NDUFS4: variants seen among roughly 807,000 people sequenced by gnomAD.
The protein encoded by NDUFS4 is NADH:ubiquinone oxidoreductase subunit S4, also known as NADH dehydrogenase [ubiquinone] iron-sulfur protein 4, mitochondrial.
A neutral mutation model predicts 24.3 loss-of-function variants in NDUFS4; 28 were observed. The ratio of observed to expected loss-of-function variants is 1.15; its 90% CI spans 0.85 to 1.58. The LOEUF (loss-of-function observed/expected upper bound fraction) is 1.58. Among genes scored for constraint, NDUFS4 ranks in the 40% most tolerant of loss-of-function variants. The pLI, the probability that NDUFS4 is intolerant of heterozygous loss-of-function variation, is 0.00. For synonymous variants in NDUFS4, 93 were observed against 69.7 expected, an observed-to-expected ratio of 1.34 and a Z score of -1.67; for missense variants, 223 against 207.9, an observed-to-expected ratio of 1.07 and a Z score of -0.45.
intron 2 of NDUFS4, among the ~76,000 whole-genome samples, chr5:53,627,993 A>G (rs912199000): frequency 6.6e-6 from 1 of 152,208 alleles, no homozygotes; most frequent in African/African-American, 2.4e-5. Context: ...GTTTTTGCCC[A>G]TTCAGTATGA....
chr5:53,585,603 G>A lies in NDUFS4; in HGVS notation c.99-17849G>A, dbSNP rs1366745881. Among the ~76,000 whole-genome samples, 7 of 152,070 alleles carry A rather than the reference G, an allele frequency of 4.6e-5. No individual in the cohort carries two copies. The East Asian group carries it at 7.7e-4, about 17-fold the overall frequency. On this transcript the variant is annotated intron_variant, in intron 1 of 4. Transcript: ENST00000296684. ...ACTAAAAATACGAAATTAGCCGGGC[G>A]TGGTGGTACTTGCCTGTAATCCCAG...
chr5:53,644,291 A>T (rs990153086), intron 2 of NDUFS4, among the ~76,000 whole-genome samples: 1 of 152,158 alleles, frequency 6.6e-6, no homozygotes, highest in African/African-American at 2.4e-5. Context: ...TCCAGCTTTT[A>T]TGAGCTCAGC....
chr5:53,583,631 C>G (rs182558285), intron 1 of NDUFS4, among the ~76,000 whole-genome samples: 1 of 152,208 alleles, frequency 6.6e-6, no homozygotes, highest in African/African-American at 2.4e-5. Flanking sequence ...TTGTTCAATT[C>G]TATGTATTTT....
At chr5:53,637,240 A>G (rs976723879) in intron 2 of NDUFS4, among the ~76,000 whole-genome samples, 1 of 152,188 alleles carries the variant, frequency 6.6e-6, no homozygotes, top group African/African-American at 2.4e-5. Context: ...AGGCCTTCCA[A>G]GAAGTAGCAT....
intron 2 of NDUFS4, among the ~76,000 whole-genome samples, chr5:53,606,582 C>T (rs1294402540): frequency 6.6e-6 from 1 of 152,170 alleles, no homozygotes; most frequent in Non-Finnish European, 1.5e-5. Flanking sequence ...CCAGGCTGGC[C>T]TCAAACTCCT....
At chr5:53,659,951 C>G (rs1449859592) in intron 4 of NDUFS4, among the ~76,000 whole-genome samples, 1 of 151,982 alleles carries the variant, frequency 6.6e-6, no homozygotes, top group East Asian at 1.9e-4. Context: ...AGACTAGGGT[C>G]TGACAAATAC....
chr5:53,674,494 A>G (rs550185371), intron 4 of NDUFS4, among the ~76,000 whole-genome samples: 10 of 152,290 alleles, frequency 6.6e-5, no homozygotes, highest in Admixed American at 5.2e-4. Context: ...ATCATTATCA[A>G]TGGATTAGTA....
In NDUFS4 at chr5:53,667,778, A is replaced by G. The variant is rs572052114; in HGVS notation, c.424+9154A>G. ...TAAGACTCTCATTCCACAGTGGTCT[A>G]CATCACAGGAGAACTTGAACAAGTC... On this transcript the variant is annotated intron_variant, in intron 4 of 4. Coordinates refer to ENST00000296684, the MANE Select transcript of NDUFS4 (RefSeq NM_002495.4). Among the ~76,000 whole-genome samples the G allele has an allele frequency of 1.4e-4, 22 of 152,354 alleles. No individual in the cohort carries two copies. In the South Asian group the frequency reaches 3.7e-3, roughly 26 times the overall value.
chr5:53,590,755 CT>C (rs757611625), intron 1 of NDUFS4, among the ~76,000 whole-genome samples: 103 of 152,268 alleles, frequency 6.8e-4, no homozygotes, highest in Non-Finnish European at 2.8e-4. Context: ...AAGGCATGCT[CT>C]TTTTAAAATA....
At chr5:53,614,073 T>A (rs945806307) in intron 2 of NDUFS4, among the ~76,000 whole-genome samples, 1 of 151,950 alleles carries the variant, frequency 6.6e-6, no homozygotes, top group African/African-American at 2.4e-5. Flanking sequence ...AACATGCTCT[T>A]AAATAGTTGA....
chr5:53,646,206 G>A lies in NDUFS4; in HGVS notation c.178-27G>A, dbSNP rs776815249. On this transcript the variant is annotated intron_variant, in intron 2 of 4. Transcript: ENST00000296684. ...AGTGTGTATGTAGGCTGTTTGAAACGTGTTTTTTTTTCTTGTTTTTCTGTA... is the reference window on the plus strand; with the variant it reads ...AGTGTGTATGTAGGCTGTTTGAAACATGTTTTTTTTTCTTGTTTTTCTGTA... 1.4e-5 allele frequency: 21 copies of A among 1,555,412 alleles called. No homozygotes were observed. In the East Asian group the frequency reaches 1.6e-4, roughly 12 times the overall value.
chr5:53,604,022 A>G (rs564943962), intron 2 of NDUFS4, among the ~76,000 whole-genome samples: 29 of 152,316 alleles, frequency 1.9e-4, no homozygotes, highest in Admixed American at 3.9e-4. Flanking sequence ...GCAACTAGCA[A>G]ACAACTAGCA....
intron 4 of NDUFS4, among the ~76,000 whole-genome samples, chr5:53,668,522 G>C (rs200975728): frequency 2.0e-5 from 3 of 151,750 alleles, no homozygotes; most frequent in Non-Finnish European, 4.4e-5. Context: ...GCAATGGCAT[G>C]ATCTTGGCTC....
Position 53,645,167 on chromosome 5 carries a change from C to T in NDUFS4, c.178-1066C>T, listed in dbSNP as rs756318671. Among the ~76,000 whole-genome samples the T allele has an allele frequency of 3.3e-5, 5 of 152,042 alleles. No homozygotes were observed. In the South Asian group the frequency reaches 6.2e-4, roughly 19 times the overall value. ...TTTTTACCAAGTTATCCAAAATTTA[C>T]GTTAGTAAGTGAACCATGATTTTAA... On this transcript the variant is annotated intron_variant, in intron 2 of 4. Coordinates refer to ENST00000296684, the MANE Select transcript of NDUFS4 (RefSeq NM_002495.4).
At chr5:53,584,694 C>T (rs1749684520) in intron 1 of NDUFS4, among the ~76,000 whole-genome samples, 1 of 152,142 alleles carries the variant, frequency 6.6e-6, no homozygotes, top group Admixed American at 6.5e-5. Context: ...AGTATTAACT[C>T]TTGTTAGATC....
chr5:53,623,938 T>A (rs1484536442), intron 2 of NDUFS4, among the ~76,000 whole-genome samples: 1 of 152,138 alleles, frequency 6.6e-6, no homozygotes, highest in East Asian at 1.9e-4. Context: ...AGGCTACTCT[T>A]GAATTCCTGA....
intron 2 of NDUFS4, among the ~76,000 whole-genome samples, chr5:53,637,234 C>A (rs1481257800): frequency 2.6e-5 from 4 of 152,104 alleles, no homozygotes; most frequent in African/African-American, 9.7e-5. Flanking sequence ...GTTCCTAGGC[C>A]TTCCAAGAAG....
rs1256497326 is a variant in NDUFS4, at chr5:53,610,111, G to T, written c.177+6581G>T. 2.0e-5 allele frequency among the ~76,000 whole-genome samples: 3 copies of T among 152,212 alleles called. No individual in the cohort carries two copies. In the East Asian group the frequency reaches 5.8e-4, roughly 29 times the overall value. On this transcript the variant is annotated intron_variant, in intron 2 of 4. Transcript: ENST00000296684. ...TGGCTTTTGGTCTGTCTAGGTTTTT[G>T]ACATGCCTTCTTCACCTAGCTTAAT...
intron 2 of NDUFS4, among the ~76,000 whole-genome samples, chr5:53,627,786 G>C (rs1751276415): frequency 6.6e-6 from 1 of 152,150 alleles, no homozygotes; most frequent in Non-Finnish European, 1.5e-5. Flanking sequence ...TTTGGGCTGA[G>C]ACCATGGTAC....
Sources: gnomAD v4.1 joint callset for allele counts (sites outside exome capture counted in the v4.1 genomes callset) on GRCh38, gnomAD v4.1.1 for gene constraint, MANE v1.5 for transcripts, NCBI Gene and HGNC (gene_info 2026-07-23, HGNC 2026-07-21) for gene names.